The following SEPTIN9 variants were observed in gnomAD, a reference collection of about 807,000 sequenced individuals.
SEPTIN9 encodes septin 9.
A neutral mutation model predicts 56.6 loss-of-function variants in SEPTIN9; 13 were observed. The ratio of observed to expected loss-of-function variants is 0.23; its 90% CI spans 0.15 to 0.37. The LOEUF (loss-of-function observed/expected upper bound fraction) is 0.37. Ranked by LOEUF, SEPTIN9 falls within the 10% of genes least tolerant of loss-of-function variation. The pLI, the probability that SEPTIN9 is intolerant of heterozygous loss-of-function variation, is 1.00. For missense variants in SEPTIN9, 650 were observed against 823.1 expected (o/e 0.79, Z 2.57); for synonymous variants, 332 against 334.1 (o/e 0.99, Z 0.07).
At chr17:77,411,732 A>G (rs1472840231) in intron 3 of SEPTIN9, among the ~76,000 whole-genome samples, 1 of 151,982 alleles carries the variant, frequency 6.6e-6, no homozygotes, top group African/African-American at 2.4e-5. Context: ...CCAGCTTCCC[A>G]CTGTGATTGA....
intron 1 of SEPTIN9, among the ~76,000 whole-genome samples, chr17:77,294,168 C>T (rs8081419): frequency 0.51 from 77,432 of 151,190 alleles, 21,886 homozygotes; most frequent in East Asian, 0.78. Context: ...CCTGTAATTC[C>T]AGCACTGTGG....
At position 77,319,940 on chromosome 17, in the gene SEPTIN9, C is replaced by T; in HGVS notation, c.76+12743C>T. On this transcript the variant is annotated intron_variant, in intron 2 of 11. Transcript: ENST00000427177. This position sits in a 1 kb window ranked among gnomAD's most constrained non-coding sequence, Gnocchi z 5.3. ...AAGCCGCACTCGGGACCTCTGCAGC[C>T]ACCGACCAGACCGGGCGGCCGGGAC... 1.7e-6 allele frequency: 2 copies of T among 1,152,568 alleles called. No homozygotes were observed. Among genetic ancestry groups the T allele is most frequent in the Non-Finnish European group, 2.1e-6 (2 of 933,204 alleles). 71.4% of individuals were successfully genotyped at this position (1,152,568 alleles called of 1,614,324 possible). A position where few individuals can be genotyped will look rare whatever the true frequency, so the allele number is the denominator to read the frequency against.
intron 3 of SEPTIN9, chr17:77,466,677 G>A: frequency 4.7e-6 from 3 of 638,322 alleles, no homozygotes; most frequent in African/African-American, 2.0e-5. Context: ...GGGAGACCCT[G>A]GGGGCTCCCT....
intron 1 of SEPTIN9, among the ~76,000 whole-genome samples, chr17:77,301,864 T>G (rs996559033): frequency 3.3e-5 from 5 of 152,196 alleles, no homozygotes; most frequent in Non-Finnish European, 5.9e-5. Flanking sequence ...CCTCATTCAT[T>G]GTCAGCACAA....
chr17:77,458,924 G>A (rs915663034), intron 3 of SEPTIN9, among the ~76,000 whole-genome samples: 1 of 152,238 alleles, frequency 6.6e-6, no homozygotes, highest in African/African-American at 2.4e-5. Flanking sequence ...AGATATAGGG[G>A]CAACGGGAGA....
chr17:77,302,930 C>T, intron 1 of SEPTIN9, among the ~76,000 whole-genome samples: 1 of 152,040 alleles, frequency 6.6e-6, no homozygotes, highest in East Asian at 1.9e-4. Context: ...CTAGGCTCAC[C>T]CTTTCCTCTC....
At chr17:77,416,317 G>A (rs1312915658) in intron 3 of SEPTIN9, among the ~76,000 whole-genome samples, 2 of 152,302 alleles carry the variant, frequency 1.3e-5, no homozygotes, top group African/African-American at 2.4e-5. Flanking sequence ...TGGTGAGAAC[G>A]GCACCCGGTA....
At chr17:77,387,077 G>A (rs1170816823) in intron 2 of SEPTIN9, among the ~76,000 whole-genome samples, 2 of 152,228 alleles carry the variant, frequency 1.3e-5, no homozygotes, top group East Asian at 3.9e-4. Context: ...TAGCAGGGGA[G>A]GAGGGCCCCC....
intron 1 of SEPTIN9, among the ~76,000 whole-genome samples, chr17:77,299,588 G>A (rs893128605): frequency 1.3e-5 from 2 of 152,286 alleles, no homozygotes; most frequent in Non-Finnish European, 1.5e-5. Context: ...ATTGTTGATT[G>A]TTTATCTGAA....
At chr17:77,284,297 C>T (rs1005277649) in intron 1 of SEPTIN9, among the ~76,000 whole-genome samples, 2 of 152,230 alleles carry the variant, frequency 1.3e-5, no homozygotes, top group African/African-American at 2.4e-5. Flanking sequence ...CATGAGACCC[C>T]ATCTGTAAGA....
In SEPTIN9 at chr17:77,330,670, G is replaced by C. The variant is rs1410733811; in HGVS notation, c.76+23473G>C. 6.6e-6 allele frequency among the ~76,000 whole-genome samples: 1 copy of C among 152,358 alleles called. No homozygotes were observed. Among genetic ancestry groups the C allele is most frequent in the East Asian group, 1.9e-4 (1 of 5,190 alleles). On this transcript the variant is annotated intron_variant, in intron 2 of 11. Transcript: ENST00000427177. This position sits in a 1 kb window ranked among gnomAD's most constrained non-coding sequence, Gnocchi z 4.4. ...ATTTGGTTAAAGCCTAAAGCCTGCT[G>C]TCAGGAGCCTCGCTTGCCTCTCAGA...
chr17:77,424,495 A>C (rs2036825122), intron 3 of SEPTIN9, among the ~76,000 whole-genome samples: 1 of 152,182 alleles, frequency 6.6e-6, no homozygotes, highest in Non-Finnish European at 1.5e-5. Flanking sequence ...GGTACAGGGA[A>C]CACAGTCCAG....
At chr17:77,384,578 C>T (rs1009782760) in intron 2 of SEPTIN9, among the ~76,000 whole-genome samples, 7 of 151,900 alleles carry the variant, frequency 4.6e-5, no homozygotes, top group African/African-American at 9.7e-5. Flanking sequence ...ACACCTGCAG[C>T]GCCCCAGAAA....
At chr17:77,411,901 G>A (rs1331008471) in intron 3 of SEPTIN9, among the ~76,000 whole-genome samples, 5 of 151,842 alleles carry the variant, frequency 3.3e-5, no homozygotes, top group African/African-American at 9.7e-5. Context: ...AGGCCAAGGC[G>A]GGCTGATCAC....
intron 1 of SEPTIN9, among the ~76,000 whole-genome samples, chr17:77,289,371 A>C (rs1426813687): frequency 6.7e-6 from 1 of 149,424 alleles, no homozygotes; most frequent in Non-Finnish European, 1.5e-5. Flanking sequence ...TGCTGGGATT[A>C]CAGGCATGAG....
rs1205890787 is a variant in SEPTIN9, at chr17:77,389,694, G to A, written c.77-12365G>A. Among the ~76,000 whole-genome samples, 3 of 151,684 alleles carry A rather than the reference G, an allele frequency of 2.0e-5. No individual in the cohort carries two copies. The highest frequency in any genetic ancestry group is 1.9e-4 in the East Asian group (1 of 5,148). ...CCTTCTGCTGCCTTCCACCAGGGAC[G>A]GAGGGTGGGCGGCCCTCCCACCCAG... is the stretch of plus-strand genomic sequence containing the variant. On this transcript the variant is annotated intron_variant, in intron 2 of 11. Coordinates refer to ENST00000427177, the MANE Select transcript of SEPTIN9 (RefSeq NM_001113491.2). The surrounding 1 kb of genome is among the most constrained non-coding windows in gnomAD (Gnocchi z 4.3).
At chr17:77,312,234 G>A (rs1405633445) in intron 2 of SEPTIN9, among the ~76,000 whole-genome samples, 1 of 152,152 alleles carries the variant, frequency 6.6e-6, no homozygotes, top group African/African-American at 2.4e-5. Context: ...CTCCCTGTGT[G>A]CTGGGGACCG....
At position 77,402,609 on chromosome 17, in the gene SEPTIN9, G is replaced by T. The variant is rs1451858240; in HGVS notation, c.627G>T (p.Glu209Asp). ...PTAPSPAQTLENSEPAPVSQL... is the reference protein window; with the variant it reads ...PTAPSPAQTLDNSEPAPVSQL... ...CCCCCAGCCCAGCCCAGACCTTGGAGAATTCAGAGCCTGCCCCTGTGTCTC... is the reference window on the plus strand; with the variant it reads ...CCCCCAGCCCAGCCCAGACCTTGGATAATTCAGAGCCTGCCCCTGTGTCTC... The change falls in exon 3 of 12, where the codon GAG (glutamate) becomes GAT (aspartate). Residue 209 changes from glutamate to aspartate, a missense_variant. By Grantham distance (45) the Glu-to-Asp change is conservative. Around this residue, in one of 2 missense-constraint regions of SEPTIN9, gnomAD observed 317 missense variants for 329.1 expected, o/e 0.96. Coordinates refer to ENST00000427177, the MANE Select transcript of SEPTIN9 (RefSeq NM_001113491.2). This position sits in a 1 kb window ranked among gnomAD's most constrained non-coding sequence, Gnocchi z 6.6. The T allele has an allele frequency of 2.5e-6, 4 of 1,612,952 alleles. No individual in the cohort carries two copies. Among genetic ancestry groups the T allele is most frequent in the Admixed American group, 1.7e-5 (1 of 59,952 alleles).
chr17:77,358,514 A>T, intron 2 of SEPTIN9, among the ~76,000 whole-genome samples: 1 of 152,010 alleles, frequency 6.6e-6, no homozygotes, highest in East Asian at 1.9e-4. Context: ...CCAGCTACTC[A>T]AGGAGAACCC....
Sources: allele counts gnomAD v4.1 joint callset (sites outside exome capture counted in the v4.1 genomes callset), GRCh38; gene constraint gnomAD v4.1.1; regional missense constraint gnomAD v4.1.1; non-coding constraint Gnocchi (gnomAD v3.1); transcripts MANE v1.5; gene names NCBI Gene and HGNC (gene_info 2026-07-23, HGNC 2026-07-21).